ATF1: variants seen among roughly 807,000 people sequenced by gnomAD.
ATF1 encodes the protein activating transcription factor 1.
ATF1 carries 16 observed loss-of-function variants against 34.7 expected under a neutral mutation model. That is an observed-to-expected ratio of 0.46 (90% CI 0.31 to 0.70). The LOEUF (loss-of-function observed/expected upper bound fraction) is 0.70. Ranked by LOEUF, ATF1 falls within the 30% of genes least tolerant of loss-of-function variation. The probability of loss-of-function intolerance (pLI) is 0.05; values close to 1 mark genes in which losing one functional copy is unlikely to be tolerated. For missense variants in ATF1, 255 were observed against 321.6 expected (o/e 0.79, Z 1.58); for synonymous variants, 105 against 113.1 (o/e 0.93, Z 0.46).
chr12:50,816,577 T>C (rs534647409), intron 6 of ATF1, among the ~76,000 whole-genome samples: 8 of 152,148 alleles, frequency 5.3e-5, no homozygotes, highest in Non-Finnish European at 1.2e-4. Flanking sequence ...TCCATAAATA[T>C]GCACAGAAAC....
chr12:50,817,796 C>A (rs1254255231), intron 6 of ATF1, among the ~76,000 whole-genome samples: 2 of 152,122 alleles, frequency 1.3e-5, no homozygotes, highest in African/African-American at 4.8e-5. Flanking sequence ...CAGAAGGAAA[C>A]CGGTCTGTGA....
At chr12:50,766,664 A>T (rs144250612) in intron 1 of ATF1, among the ~76,000 whole-genome samples, 1 of 46,668 alleles carries the variant, frequency 2.1e-5, no homozygotes. Flanking sequence ...CCCTCCCCCC[A>T]TAAAAGGGGA....
chr12:50,784,856 G>A (rs935601955), intron 2 of ATF1, among the ~76,000 whole-genome samples: 7 of 151,644 alleles, frequency 4.6e-5, no homozygotes, highest in East Asian at 3.9e-4. Flanking sequence ...TTTGCTTTTG[G>A]ATTGGATGTG....
chr12:50,780,314 T>C (rs942371846), intron 2 of ATF1, 76 bp downstream of exon 2: 1 of 1,295,018 alleles, frequency 7.7e-7, no homozygotes, highest in Non-Finnish European at 1.1e-6. Flanking sequence ...TTCAGACTGA[T>C]TATTAATGTG....
chr12:50,768,263 ATTCTC>A (rs1940688219), intron 1 of ATF1, among the ~76,000 whole-genome samples: 1 of 152,142 alleles, frequency 6.6e-6, no homozygotes, highest in African/African-American at 2.4e-5. Flanking sequence ...GACTTTGTCT[ATTCTC>A]TTCTCCTCTG....
At chr12:50,792,964 ATTCCT>A in intron 2 of ATF1, among the ~76,000 whole-genome samples, 1 of 152,216 alleles carries the variant, frequency 6.6e-6, no homozygotes, top group African/African-American at 2.4e-5. Context: ...GCCATCCTAG[ATTCCT>A]TTTCTTTCTA....
At chr12:50,817,150 T>TAAAAC (rs1941860344) in intron 6 of ATF1, among the ~76,000 whole-genome samples, 8 of 152,180 alleles carry the variant, frequency 5.3e-5, no homozygotes, top group African/African-American at 1.9e-4. Context: ...CCAGCTGTTT[T>TAAAAC]AGTCTGTGTG....
rs746658284 is a variant in ATF1, at chr12:50,819,809, A to G, written c.*30A>G. 2 of 1,471,076 alleles carry G rather than the reference A, an allele frequency of 1.4e-6. No individual in the cohort carries two copies. Among genetic ancestry groups the G allele is most frequent in the Non-Finnish European group, 1.8e-6 (2 of 1,081,156 alleles). The allele number at this position is 1,471,076 out of a possible 1,614,324, so 91.1% of individuals were successfully genotyped here. A position where few individuals can be genotyped will look rare whatever the true frequency, so the allele number is the denominator to read the frequency against. On this transcript the variant is annotated 3_prime_UTR_variant, in exon 7 of 7. Coordinates refer to ENST00000262053, the MANE Select transcript of ATF1 (RefSeq NM_005171.5). ...TAAGAAAGAAAATATTTTTGTGGAC[A>G]TGCATAAAAATTAAATGGATTTCCT...
chr12:50,777,683 A>G (rs541368185), intron 1 of ATF1, among the ~76,000 whole-genome samples: 1 of 151,648 alleles, frequency 6.6e-6, no homozygotes, highest in African/African-American at 2.4e-5. Flanking sequence ...CAGGAGGCTG[A>G]GGTGGAAGGA....
chr12:50,778,928 C>T (rs1435754857), intron 1 of ATF1, among the ~76,000 whole-genome samples: 1 of 152,164 alleles, frequency 6.6e-6, no homozygotes, highest in Non-Finnish European at 1.5e-5. Context: ...TTTGCTCCTT[C>T]CCTTAGTCCC....
intron 1 of ATF1, among the ~76,000 whole-genome samples, chr12:50,775,262 G>T (rs1940888874): frequency 6.6e-6 from 1 of 151,862 alleles, no homozygotes; most frequent in South Asian, 2.1e-4. Flanking sequence ...AGGAAAGGTG[G>T]TTATAATTAT....
chr12:50,802,052 G>A (rs1382444304), intron 3 of ATF1, among the ~76,000 whole-genome samples: 1 of 152,136 alleles, frequency 6.6e-6, no homozygotes, highest in African/African-American at 2.4e-5. Context: ...TTCCAGCAAG[G>A]TTGTAGGATA....
chr12:50,786,597 C>T (rs1941190278), intron 2 of ATF1, among the ~76,000 whole-genome samples: 2 of 151,960 alleles, frequency 1.3e-5, no homozygotes, highest in African/African-American at 4.8e-5. Context: ...GAAAAAAAGG[C>T]TTTAAGCCGC....
At chr12:50,818,969 A>G (rs1180746365) in intron 6 of ATF1, among the ~76,000 whole-genome samples, 1 of 152,244 alleles carries the variant, frequency 6.6e-6, no homozygotes, top group East Asian at 1.9e-4. Flanking sequence ...TTTTAAGAGG[A>G]CATGCACAGA....
chr12:50,808,885 G>A (rs931952480), intron 3 of ATF1, among the ~76,000 whole-genome samples: 2 of 151,334 alleles, frequency 1.3e-5, no homozygotes, highest in East Asian at 2.0e-4. Flanking sequence ...GATTACAGGC[G>A]CCTGCCACCA....
At chr12:50,779,501 AATAGTG>A (rs1455577224) in intron 1 of ATF1, among the ~76,000 whole-genome samples, 1 of 150,540 alleles carries the variant, frequency 6.6e-6, no homozygotes, top group Non-Finnish European at 1.5e-5. Context: ...GCATTTCCTT[AATAGTG>A]ATATTGAGCA....
chr12:50,800,603 A>G (rs1293325433), intron 3 of ATF1, among the ~76,000 whole-genome samples: 2 of 152,162 alleles, frequency 1.3e-5, no homozygotes, highest in Non-Finnish European at 2.9e-5. Context: ...TCAGTGGCAT[A>G]TTAGATTCTC....
At chr12:50,813,770 T>C (rs1941784470) in intron 4 of ATF1, among the ~76,000 whole-genome samples, 1 of 151,734 alleles carries the variant, frequency 6.6e-6, no homozygotes, top group Admixed American at 6.6e-5. Context: ...GCCGAGATCG[T>C]GCCACTGCAC....
At chr12:50,779,543 CCTCT>C (rs1012549967) in intron 1 of ATF1, among the ~76,000 whole-genome samples, 1 of 150,736 alleles carries the variant, frequency 6.6e-6, no homozygotes, top group Non-Finnish European at 1.5e-5. Flanking sequence ...TCTGGCTAGC[CCTCT>C]CTCTTTTTTT....
Sources: gnomAD v4.1 joint callset for allele counts (sites outside exome capture counted in the v4.1 genomes callset) on GRCh38, gnomAD v4.1.1 for gene constraint, MANE v1.5 for transcripts, NCBI Gene and HGNC (gene_info 2026-07-23, HGNC 2026-07-21) for gene names.